The following DNAJC3 variants were observed in gnomAD, a reference collection of about 807,000 sequenced individuals.
The protein encoded by DNAJC3 is dnaJ homolog subfamily C member 3.
DNAJC3 carries 38 observed loss-of-function variants against 68.6 expected under a neutral mutation model. That is an observed-to-expected ratio of 0.55 (90% CI 0.43 to 0.73). The LOEUF is 0.73. Among genes scored for constraint, DNAJC3 ranks in the 30% least tolerant of loss-of-function variants. DNAJC3 has a pLI of 0.00. For missense variants in DNAJC3, 526 were observed against 591.9 expected (o/e 0.89, Z 1.16); for synonymous variants, 203 against 204.0 (o/e 1.00, Z 0.04).
intron 4 of DNAJC3, among the ~76,000 whole-genome samples, chr13:95,730,886 A>C (rs1393267201): frequency 6.6e-6 from 1 of 152,132 alleles, no homozygotes; most frequent in African/African-American, 2.4e-5. Flanking sequence ...GAATCTGTAG[A>C]TTGCTTTGGG....
chr13:95,741,807 G>A (rs916965864), intron 4 of DNAJC3, among the ~76,000 whole-genome samples: 1 of 152,182 alleles, frequency 6.6e-6, no homozygotes, highest in African/African-American at 2.4e-5. Flanking sequence ...CAGGCTCCAG[G>A]AAGGAGTGCT....
chr13:95,727,263 A>T (rs1317095832), intron 4 of DNAJC3, among the ~76,000 whole-genome samples: 2 of 152,126 alleles, frequency 1.3e-5, no homozygotes, highest in East Asian at 3.9e-4. Context: ...TTTTAGCACA[A>T]ATTAATCCTT....
chr13:95,780,159 C>T (rs953685280), intron 9 of DNAJC3, among the ~76,000 whole-genome samples: 9 of 152,220 alleles, frequency 5.9e-5, no homozygotes, highest in African/African-American at 2.2e-4. Context: ...CTCTACTTCT[C>T]TGCACCAAAC....
intron 4 of DNAJC3, among the ~76,000 whole-genome samples, chr13:95,748,870 G>T (rs1459386242): frequency 6.6e-6 from 1 of 152,104 alleles, no homozygotes; most frequent in Non-Finnish European, 1.5e-5. Context: ...AATACTCAAA[G>T]TATTGTGAAC....
chr13:95,762,959 C>G (rs992419683), intron 7 of DNAJC3, among the ~76,000 whole-genome samples: 3 of 152,172 alleles, frequency 2.0e-5, no homozygotes, highest in African/African-American at 7.2e-5. Context: ...TGTTTTAATA[C>G]ATTGGCATAT....
intron 1 of DNAJC3, among the ~76,000 whole-genome samples, chr13:95,704,851 G>GTTTTTTTGTTTTTTTTTT (rs1437981663): frequency 1.0e-5 from 1 of 97,862 alleles, no homozygotes; most frequent in African/African-American, 6.0e-5. Flanking sequence ...GTGTGTGTGT[G>GTTTTTTTGTTTTTTTTTT]TTTTTTTTTT....
intron 11 of DNAJC3, among the ~76,000 whole-genome samples, chr13:95,788,493 A>T (rs901390518): frequency 9.9e-5 from 15 of 152,178 alleles, no homozygotes; most frequent in South Asian, 8.3e-4. Context: ...TCTTTTAAAG[A>T]CTTTAAAGTT....
chr13:95,741,908 C>T (rs1882156747), intron 4 of DNAJC3, among the ~76,000 whole-genome samples: 1 of 152,068 alleles, frequency 6.6e-6, no homozygotes. Context: ...GGTAGTGAGC[C>T]ATGCCAGGCA....
At chr13:95,738,328 G>A (rs1171748186) in intron 4 of DNAJC3, among the ~76,000 whole-genome samples, 2 of 150,208 alleles carry the variant, frequency 1.3e-5, no homozygotes, top group African/African-American at 2.5e-5. Context: ...TTCTGTAGAT[G>A]TCTATTAGGT....
chr13:95,710,875 G>A (rs960508751), intron 2 of DNAJC3, among the ~76,000 whole-genome samples: 1 of 151,638 alleles, frequency 6.6e-6, no homozygotes, highest in Non-Finnish European at 1.5e-5. Context: ...TTTTTTAATA[G>A]AAACTGGGTT....
intron 4 of DNAJC3, among the ~76,000 whole-genome samples, chr13:95,739,466 A>T (rs1272203484): frequency 6.6e-6 from 1 of 151,414 alleles, no homozygotes; most frequent in African/African-American, 2.4e-5. Flanking sequence ...TACACCAGTC[A>T]GACGTAGATT....
chr13:95,786,357 G>A (rs1027498629), intron 10 of DNAJC3, among the ~76,000 whole-genome samples: 1 of 152,174 alleles, frequency 6.6e-6, no homozygotes, highest in East Asian at 1.9e-4. Context: ...GGGTAAAGGG[G>A]TAGGAGTGAG....
In DNAJC3 at chr13:95,723,296, C is replaced by G. The variant is rs1881399551; in HGVS notation, c.248C>G (p.Ala83Gly). The change falls in exon 3 of 12, where the codon GCT (alanine) becomes GGT (glycine). Residue 83 changes from alanine (A) to glycine (G), a missense_variant. Ala to Gly is a moderately conservative substitution (Grantham distance 60, BLOSUM62 0). Transcript: ENST00000602402. ...TATCGGAGGGCTACTGTCTTTTTAG[C>G]TATGGGCAAATCAAAAGCTGCACTT... ...AYYRRATVFL[A>G]MGKSKAALPD... 1 of 1,611,534 alleles carries G rather than the reference C, an allele frequency of 6.2e-7. No individual in the cohort carries two copies. Among genetic ancestry groups the G allele is most frequent in the South Asian group, 1.1e-5 (1 of 90,876 alleles).
chr13:95,700,391 G>C (rs908299520), intron 1 of DNAJC3, among the ~76,000 whole-genome samples: 1 of 152,102 alleles, frequency 6.6e-6, no homozygotes, highest in Non-Finnish European at 1.5e-5. Context: ...TTTTGGGATG[G>C]CATATTCTGG....
At chr13:95,756,752 A>G (rs1328837511) in intron 4 of DNAJC3, among the ~76,000 whole-genome samples, 1 of 152,156 alleles carries the variant, frequency 6.6e-6, no homozygotes, top group Non-Finnish European at 1.5e-5. Context: ...AATATAAACT[A>G]CAATCTTAAC....
chr13:95,789,129 T>TA (rs1005492645), intron 11 of DNAJC3, among the ~76,000 whole-genome samples: 61 of 152,360 alleles, frequency 4.0e-4, no homozygotes, highest in African/African-American at 1.3e-3. Flanking sequence ...TTCCATTTAT[T>TA]AAAAAACCTA....
At chr13:95,688,944 GT>G (rs1411838644) in intron 1 of DNAJC3, among the ~76,000 whole-genome samples, 28 of 150,626 alleles carry the variant, frequency 1.9e-4, no homozygotes, top group Admixed American at 1.8e-3. Flanking sequence ...GTGTGTGTGT[GT>G]GTGTGTGTGT....
At chr13:95,760,575 T>C in intron 6 of DNAJC3, 104 bp from the exon 7 acceptor site, 3 of 1,435,716 alleles carry the variant, frequency 2.1e-6, no homozygotes, top group Non-Finnish European at 1.9e-6. Context: ...ATGGTTTTTG[T>C]TTAATCGTTG....
chr13:95,680,729 G>A (rs1879888951), intron 1 of DNAJC3, among the ~76,000 whole-genome samples: 2 of 152,082 alleles, frequency 1.3e-5, no homozygotes. Context: ...TAGTAATTAG[G>A]TTTTATTTTC....
Sources: allele counts gnomAD v4.1 joint callset (sites outside exome capture counted in the v4.1 genomes callset), GRCh38; gene constraint gnomAD v4.1.1; transcripts MANE v1.5; gene names NCBI Gene and HGNC (gene_info 2026-07-23, HGNC 2026-07-21).